The following AFF3 variants were observed in gnomAD, a reference collection of about 807,000 sequenced individuals.
AFF3 encodes ALF transcription elongation factor 3.
In AFF3, 32 loss-of-function variants were observed where a neutral mutation model predicts 129.7. That is an observed-to-expected ratio of 0.25 (90% CI 0.19 to 0.33). The LOEUF is 0.33. Ranked by LOEUF, AFF3 falls within the 10% of genes least tolerant of loss-of-function variation. The pLI, the probability that AFF3 is intolerant of heterozygous loss-of-function variation, is 1.00. For missense variants in AFF3, 1,373 were observed against 1,592.0 expected, an observed-to-expected ratio of 0.86 and a Z score of 2.34; for synonymous variants, 644 against 635.4, an observed-to-expected ratio of 1.01 and a Z score of -0.20.
chr2:99,623,274 T>G (rs191999233), intron 13 of AFF3, among the ~76,000 whole-genome samples: 1 of 151,674 alleles, frequency 6.6e-6, no homozygotes, highest in East Asian at 2.0e-4. Flanking sequence ...AAAATGCAAA[T>G]GAGAGCCCCT....
chr2:99,822,696 G>A (rs962016426), intron 8 of AFF3, among the ~76,000 whole-genome samples: 4 of 152,070 alleles, frequency 2.6e-5, no homozygotes, highest in South Asian at 2.1e-4. Context: ...ACCCCTCCCC[G>A]CATCCACACA....
chr2:99,972,006 G>A (rs1323901407), intron 7 of AFF3, among the ~76,000 whole-genome samples: 3 of 152,276 alleles, frequency 2.0e-5, no homozygotes, highest in Admixed American at 6.5e-5. Context: ...AACTGACAAC[G>A]GACCCACATC....
At position 99,582,895 on chromosome 2, in the gene AFF3, G is replaced by C; in HGVS notation, c.2696C>G (p.Ser899Cys). 1 of 1,614,208 alleles carries C rather than the reference G, an allele frequency of 6.2e-7. No homozygotes were observed. The highest frequency in any genetic ancestry group is 8.5e-7 in the Non-Finnish European group (1 of 1,180,048). The change falls in exon 17 of 25, where the codon TCC (serine) becomes TGC (cysteine). Residue 899 changes from serine to cysteine, a missense_variant. Ser to Cys is a moderately radical substitution (Grantham distance 112). Transcript: ENST00000672756. ...CAAACTGTTGCCATTAGGTCGGCTG[G>C]AAGAAGTTAAGTCCTCGCTGGTGTA... ...HKYTSEDLTS[S>C]SRPNGNSLFT...
intron 13 of AFF3, among the ~76,000 whole-genome samples, chr2:99,609,139 A>AGAATG (rs1680664492): frequency 6.6e-6 from 1 of 152,218 alleles, no homozygotes; most frequent in Non-Finnish European, 1.5e-5. Context: ...AAGGAATAAA[A>AGAATG]GAATGGCTAC....
chr2:99,820,080 A>C (rs1183446116), intron 8 of AFF3, among the ~76,000 whole-genome samples: 1 of 152,222 alleles, frequency 6.6e-6, no homozygotes. Flanking sequence ...TCAATTTGTA[A>C]GGAACTATCA....
At chr2:99,932,567 C>A (rs1205807739) in intron 7 of AFF3, among the ~76,000 whole-genome samples, 1 of 152,168 alleles carries the variant, frequency 6.6e-6, no homozygotes, top group African/African-American at 2.4e-5. Context: ...CAGGATCCAG[C>A]CAACCAGTGC....
chr2:99,728,616 G>A (rs1679555498), intron 10 of AFF3, among the ~76,000 whole-genome samples: 1 of 152,120 alleles, frequency 6.6e-6, no homozygotes, highest in Non-Finnish European at 1.5e-5. Flanking sequence ...TCTACAGTTC[G>A]TACATCTATC....
At chr2:99,732,334 C>T (rs899267142) in intron 10 of AFF3, among the ~76,000 whole-genome samples, 6 of 139,648 alleles carry the variant, frequency 4.3e-5, no homozygotes, top group Non-Finnish European at 7.5e-5. Flanking sequence ...GGCAACAGAG[C>T]GAGACTCTGT....
intron 14 of AFF3, among the ~76,000 whole-genome samples, chr2:99,598,216 A>T (rs188860512): frequency 6.6e-6 from 1 of 152,196 alleles, no homozygotes; most frequent in Non-Finnish European, 1.5e-5. Context: ...CTTTAACATT[A>T]GGTATCCAGG....
At chr2:99,801,582 C>T (rs940042721) in intron 8 of AFF3, among the ~76,000 whole-genome samples, 2 of 152,166 alleles carry the variant, frequency 1.3e-5, no homozygotes, top group African/African-American at 4.8e-5. Context: ...CTCAAGTTCC[C>T]ACTACTGAAG....
chr2:99,652,641 G>A (rs185098676), intron 12 of AFF3, among the ~76,000 whole-genome samples: 2 of 152,180 alleles, frequency 1.3e-5, no homozygotes, highest in East Asian at 3.9e-4. Context: ...CCGACATTCT[G>A]GGACAGGTTT....
intron 4 of AFF3, among the ~76,000 whole-genome samples, chr2:100,052,214 G>A (rs545185739): frequency 6.6e-6 from 1 of 152,304 alleles, no homozygotes; most frequent in South Asian, 2.1e-4. Context: ...GAGCAGCCAT[G>A]TCACTCAATT....
At chr2:100,014,832 G>A (rs1340780709) in intron 4 of AFF3, among the ~76,000 whole-genome samples, 28 of 141,376 alleles carry the variant, frequency 2.0e-4, no homozygotes, top group Non-Finnish European at 2.9e-4. Flanking sequence ...TGCCCAGGCT[G>A]GAGTGCAGCA....
intron 7 of AFF3, among the ~76,000 whole-genome samples, chr2:99,889,628 TAGA>T (rs1693389787): frequency 6.6e-6 from 1 of 152,282 alleles, no homozygotes; most frequent in South Asian, 2.1e-4. Flanking sequence ...TAGAGGGCCT[TAGA>T]AGAGGACACT....
chr2:100,074,043 G>A (rs1341975464), intron 4 of AFF3, among the ~76,000 whole-genome samples: 3 of 152,134 alleles, frequency 2.0e-5, no homozygotes, highest in Non-Finnish European at 4.4e-5. Flanking sequence ...AACTGCGAAC[G>A]ACCACCACCC....
intron 15 of AFF3, among the ~76,000 whole-genome samples, chr2:99,588,696 A>T (rs1210983389): frequency 1.3e-5 from 2 of 152,112 alleles, no homozygotes; most frequent in Admixed American, 6.6e-5. Flanking sequence ...AGATGCCCAC[A>T]CTGTAATAGT....
intron 7 of AFF3, among the ~76,000 whole-genome samples, chr2:99,947,625 T>TAGACAGACAGAC (rs1414163358): frequency 2.1e-5 from 3 of 141,638 alleles, no homozygotes; most frequent in African/African-American, 9.0e-5. Flanking sequence ...GATAGATAGA[T>TAGACAGACAGAC]AGATAGATAG....
intron 7 of AFF3, among the ~76,000 whole-genome samples, chr2:99,976,476 A>G (rs998471232): frequency 6.6e-6 from 1 of 152,232 alleles, no homozygotes; most frequent in Non-Finnish European, 1.5e-5. Flanking sequence ...AACTGGATCT[A>G]TAACTCTTCC....
At chr2:100,053,923 T>C (rs922517950) in intron 4 of AFF3, among the ~76,000 whole-genome samples, 2 of 152,210 alleles carry the variant, frequency 1.3e-5, no homozygotes, top group Admixed American at 6.5e-5. Context: ...TGGGTTTACA[T>C]TGACCTCCTC....
Sources: allele counts gnomAD v4.1 joint callset (sites outside exome capture counted in the v4.1 genomes callset), GRCh38; gene constraint gnomAD v4.1.1; transcripts MANE v1.5; gene names NCBI Gene and HGNC (gene_info 2026-07-23, HGNC 2026-07-21).